PCDHGA10: variants seen among roughly 807,000 people sequenced by gnomAD.
The protein encoded by PCDHGA10 is protocadherin gamma subfamily A, 10.
Under a neutral mutation model 59.5 loss-of-function variants are expected in PCDHGA10, and 42 were observed. The ratio of observed to expected loss-of-function variants is 0.71; its 90% CI spans 0.55 to 0.91. PCDHGA10 has a LOEUF of 0.91. Among genes scored for constraint, PCDHGA10 ranks in the 40% least tolerant of loss-of-function variants. The pLI is 0.00. For synonymous variants in PCDHGA10, 511 were observed against 517.2 expected, an observed-to-expected ratio of 0.99 and a Z score of 0.16; for missense variants, 1,111 against 1,198.2, an observed-to-expected ratio of 0.93 and a Z score of 1.07.
Position 141,490,711 on chromosome 5 carries a change from T to C in PCDHGA10, c.2437-4096T>C. ...CACTGGGGATAATGCCCGCCTCACC[T>C]ACTCCATTGTAGGAAATCAGGTTCA... On this transcript the variant is annotated intron_variant, in intron 1 of 3. Transcript: ENST00000398610. The surrounding 1 kb of genome is among the most constrained non-coding windows in gnomAD (Gnocchi z 5.4). The C allele has an allele frequency of 6.2e-7, 1 of 1,614,200 alleles. No individual in the cohort carries two copies. Among genetic ancestry groups the C allele is most frequent in the Non-Finnish European group, 8.5e-7 (1 of 1,180,002 alleles).
At chr5:141,479,535 G>A (rs539785154) in intron 1 of PCDHGA10, 2 of 152,378 alleles carry the variant, frequency 1.3e-5, no homozygotes, top group Non-Finnish European at 2.9e-5. Context: ...AAGTGGAGAA[G>A]GTCAAAACTG....
rs1344329529 is a variant in PCDHGA10, at chr5:141,456,847, C to T, written c.2437-37960C>T. Among the ~76,000 whole-genome samples the T allele has an allele frequency of 2.0e-5, 3 of 152,084 alleles. No homozygotes were observed. The East Asian group carries it at 5.8e-4, about 29-fold the overall frequency. ...TCGTGGTAGTGGGCGCCTGTAATCC[C>T]AGCTAATTGGGAGGCTGAGGCAGGA... On this transcript the variant is annotated intron_variant, in intron 1 of 3. Transcript: ENST00000398610.
chr5:141,504,824 C>T (rs537283013), intron 2 of PCDHGA10, among the ~76,000 whole-genome samples: 4 of 152,230 alleles, frequency 2.6e-5, no homozygotes, highest in South Asian at 4.1e-4. Context: ...TAGGTCCCCA[C>T]TTTTTCTCTA....
At position 141,486,481 on chromosome 5, in the gene PCDHGA10, T is replaced by C. The variant is rs1562112794; in HGVS notation, c.2437-8326T>C. 1 of 1,614,036 alleles carries C rather than the reference T, an allele frequency of 6.2e-7. No individual in the cohort carries two copies. The highest frequency in any genetic ancestry group is 8.5e-7 in the Non-Finnish European group (1 of 1,179,976). Reference sequence around the variant, plus strand: ...CTGATGCTGGGAACCCTCCTCTCAGTACCCACAGAACTATTTTCCTCAATA... The same window carrying C: ...CTGATGCTGGGAACCCTCCTCTCAGCACCCACAGAACTATTTTCCTCAATA... On this transcript the variant is annotated intron_variant, in intron 1 of 3. Coordinates refer to ENST00000398610, the MANE Select transcript of PCDHGA10 (RefSeq NM_018913.3). This position sits in a 1 kb window ranked among gnomAD's most constrained non-coding sequence, Gnocchi z 5.0.
rs950164698 is a variant in PCDHGA10, at chr5:141,423,459, G to A, written c.2436+7848G>A. ...TGCCCACGTCACATTTTGTAGGCGT[G>A]GACGGGGTACAGGCTTTCCTGCAAA... On this transcript the variant is annotated intron_variant, in intron 1 of 3. Coordinates refer to ENST00000398610, the MANE Select transcript of PCDHGA10 (RefSeq NM_018913.3). 4.3e-6 allele frequency: 7 copies of A among 1,614,006 alleles called. No individual in the cohort carries two copies. In the South Asian group the frequency reaches 6.6e-5, roughly 15 times the overall value.
At chr5:141,510,450 T>G (rs1273211856) in intron 3 of PCDHGA10, among the ~76,000 whole-genome samples, 1 of 151,946 alleles carries the variant, frequency 6.6e-6, no homozygotes, top group Non-Finnish European at 1.5e-5. Flanking sequence ...CAGGAGCCCA[T>G]GGTCTAGTGT....
intron 1 of PCDHGA10, among the ~76,000 whole-genome samples, chr5:141,450,145 T>A (rs2098671113): frequency 6.6e-6 from 1 of 151,890 alleles, no homozygotes; most frequent in South Asian, 2.1e-4. Flanking sequence ...TAGCTGGGAC[T>A]ACAGGCATGT....
Position 141,432,093 on chromosome 5 carries a change from CCAACGA to C in PCDHGA10, c.2436+16487_2436+16492del. 1.2e-6 allele frequency: 2 copies of C among 1,614,170 alleles called. No individual in the cohort carries two copies. The highest frequency in any genetic ancestry group is 1.7e-6 in the Non-Finnish European group (2 of 1,180,046). On this transcript the variant is annotated intron_variant, in intron 1 of 3. Coordinates refer to ENST00000398610, the MANE Select transcript of PCDHGA10 (RefSeq NM_018913.3). The surrounding 1 kb of genome is among the most constrained non-coding windows in gnomAD (Gnocchi z 6.0). ...CATATCTCGCTGAACGTGGCAGACA[CCAACGA>C]CAACCCGCCGGTCTTCCCTCAGGCC...
Position 141,414,197 on chromosome 5 carries a change from T to C in PCDHGA10, c.1022T>C (p.Val341Ala). 5 of 1,611,210 alleles carry C rather than the reference T, an allele frequency of 3.1e-6. No individual in the cohort carries two copies. The highest frequency in any genetic ancestry group is 4.2e-6 in the Non-Finnish European group (5 of 1,178,640). The change falls in exon 1 of 4, where the codon GTA (valine) becomes GCA (alanine). Residue 341 changes from valine to alanine, a missense_variant. Transcript: ENST00000398610. The part of the protein sequence containing the change: ...YLATAKVLIT[V>A]EDVNDNSPEL... ...GCAACTGCAAAAGTGTTGATTACAGTAGAAGATGTAAATGACAACAGTCCA... is the reference window on the plus strand; with the variant it reads ...GCAACTGCAAAAGTGTTGATTACAGCAGAAGATGTAAATGACAACAGTCCA...
chr5:141,476,146 G>C lies in PCDHGA10; in HGVS notation c.2437-18661G>C. 1 of 1,611,402 alleles carries C rather than the reference G, an allele frequency of 6.2e-7. No individual in the cohort carries two copies. On this transcript the variant is annotated intron_variant, in intron 1 of 3. Transcript: ENST00000398610. This position sits in a 1 kb window ranked among gnomAD's most constrained non-coding sequence, Gnocchi z 7.6. ...TCCCAGAGGCCTGGAGGAGCGGACT[G>C]GTAAGCACCGGGAGGGTAGTGGGAG...
intron 1 of PCDHGA10, among the ~76,000 whole-genome samples, chr5:141,474,651 C>T (rs2099352565): frequency 6.6e-6 from 1 of 152,178 alleles, no homozygotes; most frequent in South Asian, 2.1e-4. Flanking sequence ...ATCCTTACTT[C>T]TTTTCTACCT....
chr5:141,422,922 C>T (rs1244444241), intron 1 of PCDHGA10: 1 of 1,614,130 alleles, frequency 6.2e-7, no homozygotes, highest in Non-Finnish European at 8.5e-7. Flanking sequence ...AGATCCTGTA[C>T]CCTGCCCTCC....
intron 1 of PCDHGA10, among the ~76,000 whole-genome samples, chr5:141,450,008 T>A (rs78952430): frequency 4.8e-4 from 18 of 37,340 alleles, no homozygotes; most frequent in African/African-American, 6.8e-4. Context: ...CCATGTCTCT[T>A]TTTTTTTTTT....
rs775290219 is a variant in PCDHGA10 at position 141,423,576 on chromosome 5, G to A, written c.2436+7965G>A. On this transcript the variant is annotated intron_variant, in intron 1 of 3. Transcript: ENST00000398610. ...ACTATGGGGACACGCTCATCAGCCAGGAGAGCTGTGAGAAAAGCGAGCCAC... is the reference window on the plus strand; with the variant it reads ...ACTATGGGGACACGCTCATCAGCCAAGAGAGCTGTGAGAAAAGCGAGCCAC... The A allele has an allele frequency of 1.9e-6, 3 of 1,613,588 alleles. No homozygotes were observed. In the Admixed American group the frequency reaches 5.0e-5, roughly 27 times the overall value.
chr5:141,509,699 C>T (rs779592471), intron 3 of PCDHGA10, among the ~76,000 whole-genome samples: 4 of 152,168 alleles, frequency 2.6e-5, no homozygotes, highest in Non-Finnish European at 5.9e-5. Flanking sequence ...GGACGTTGGA[C>T]TGGAGGTGCT....
intron 2 of PCDHGA10, among the ~76,000 whole-genome samples, chr5:141,502,866 C>CTTTTTCTT (rs2099816520): frequency 1.6e-5 from 2 of 128,030 alleles, no homozygotes; most frequent in African/African-American, 6.2e-5. Flanking sequence ...GACTCTCTGT[C>CTTTTTCTT]TTTTTTTTTT....
chr5:141,421,429 G>A, intron 1 of PCDHGA10: 1 of 1,614,090 alleles, frequency 6.2e-7, no homozygotes, highest in Non-Finnish European at 8.5e-7. Context: ...AGTCCGCATC[G>A]TCTCCAGAGG....
chr5:141,418,579 A>G (rs1561774780), intron 1 of PCDHGA10: 1 of 1,614,000 alleles, frequency 6.2e-7, no homozygotes, highest in Admixed American at 1.7e-5. Flanking sequence ...ACAACCCCCC[A>G]GTGTTCAGCC....
intron 1 of PCDHGA10, among the ~76,000 whole-genome samples, chr5:141,463,642 G>A (rs573143516): frequency 6.6e-6 from 1 of 151,750 alleles, no homozygotes; most frequent in South Asian, 2.1e-4. Context: ...TAGTAGAGAC[G>A]GGGTTTCACC....
Sources: allele counts gnomAD v4.1 joint callset (sites outside exome capture counted in the v4.1 genomes callset), GRCh38; gene constraint gnomAD v4.1.1; non-coding constraint Gnocchi (gnomAD v3.1); transcripts MANE v1.5; gene names NCBI Gene and HGNC (gene_info 2026-07-23, HGNC 2026-07-21).